The following HIVEP2 variants were observed in gnomAD, a reference collection of about 807,000 sequenced individuals.
HIVEP2 encodes transcription factor HIVEP2.
In HIVEP2, 14 loss-of-function variants were observed where a neutral mutation model predicts 180.7. The ratio of observed to expected loss-of-function variants is 0.08; its 90% CI spans 0.05 to 0.12. HIVEP2 has a LOEUF of 0.12. Among genes scored for constraint, HIVEP2 ranks in the 10% least tolerant of loss-of-function variants. The probability of loss-of-function intolerance (pLI) is 1.00; values close to 1 mark genes in which losing one functional copy is unlikely to be tolerated. For synonymous variants in HIVEP2, 1,184 were observed against 1,136.4 expected (o/e 1.04, Z -0.84); for missense variants, 2,579 against 3,008.5 (o/e 0.86, Z 3.34).
intron 1 of HIVEP2, among the ~76,000 whole-genome samples, chr6:142,904,651 G>C (rs1182713411): frequency 6.6e-6 from 1 of 151,918 alleles, no homozygotes; most frequent in Non-Finnish European, 1.5e-5. Flanking sequence ...TGAAACTGAT[G>C]ACATGATCAA....
chr6:142,857,900 G>A (rs749329082), intron 1 of HIVEP2, among the ~76,000 whole-genome samples: 13 of 152,188 alleles, frequency 8.5e-5, no homozygotes, highest in African/African-American at 2.4e-4. Context: ...GGCTGGGGTC[G>A]GGTCTTGGGT....
intron 4 of HIVEP2, 28 bp downstream of exon 4, chr6:142,776,119 T>C (rs1775690981): frequency 6.6e-6 from 1 of 152,570 alleles, no homozygotes. Context: ...AGCATATTTC[T>C]AGGACAGTTT....
chr6:142,858,114 G>C (rs1213530016), intron 1 of HIVEP2, among the ~76,000 whole-genome samples: 1 of 152,120 alleles, frequency 6.6e-6, no homozygotes, highest in Non-Finnish European at 1.5e-5. Flanking sequence ...GAAGGCTGGG[G>C]GACTAACAGT....
chr6:142,900,785 C>T (rs1777116252), intron 1 of HIVEP2, among the ~76,000 whole-genome samples: 1 of 152,100 alleles, frequency 6.6e-6, no homozygotes, highest in South Asian at 2.1e-4. Context: ...TGCACAAAGA[C>T]CTTATTATAA....
intron 1 of HIVEP2, among the ~76,000 whole-genome samples, chr6:142,897,136 A>T (rs753133272): frequency 6.6e-6 from 1 of 152,204 alleles, no homozygotes; most frequent in Non-Finnish European, 1.5e-5. Flanking sequence ...CAAAAAAAAT[A>T]GGAAAAGGGG....
rs563223348 is a variant in HIVEP2 at position 142,831,413 on chromosome 6, C to G, written c.-528+5522G>C. Among the ~76,000 whole-genome samples the G allele has an allele frequency of 4.6e-5, 7 of 152,290 alleles. No individual in the cohort carries two copies. The East Asian group carries it at 1.2e-3, about 25-fold the overall frequency. On this transcript the variant is annotated intron_variant, in intron 2 of 9. Transcript: ENST00000367603. ...CTTGCAGTGACTGCTGCCCCCCACCCCACCTCACCCGCCATCCAACAGGGC... is the reference window on the plus strand; with the variant it reads ...CTTGCAGTGACTGCTGCCCCCCACCGCACCTCACCCGCCATCCAACAGGGC...
intron 1 of HIVEP2, among the ~76,000 whole-genome samples, chr6:142,912,953 T>C (rs935671491): frequency 3.9e-5 from 6 of 152,150 alleles, no homozygotes; most frequent in Admixed American, 6.5e-5. Context: ...AAAAATCAAA[T>C]GATTTTAGAA....
rs1282794729 is a variant in HIVEP2, at chr6:142,862,516, T to TAC, written c.-640-25471_-640-25470dup. On this transcript the variant is annotated intron_variant, in intron 1 of 9. Coordinates refer to ENST00000367603, the MANE Select transcript of HIVEP2 (RefSeq NM_006734.4). ...ATTATATGTATCATATATTTTATAATACATATAATCGATTATGTGTATCAT... is the reference window on the plus strand; with the variant it reads ...ATTATATGTATCATATATTTTATAATACACATATAATCGATTATGTGTATCAT... 1.3e-3 allele frequency among the ~76,000 whole-genome samples: 153 copies of TAC among 120,634 alleles called. 1 individual carries two copies. The highest frequency in any genetic ancestry group is 1.5e-3 in the Non-Finnish European group (92 of 61,274). The allele number at this position is 120,634 out of a possible 152,430, so 79.1% of individuals were successfully genotyped here.
intron 2 of HIVEP2, among the ~76,000 whole-genome samples, chr6:142,831,603 T>C (rs925202022): frequency 3.9e-5 from 6 of 152,160 alleles, no homozygotes; most frequent in Non-Finnish European, 5.9e-5. Flanking sequence ...ATGTAATTTA[T>C]CTCATTAAAT....
chr6:142,862,701 G>T (rs1776024259), intron 1 of HIVEP2, among the ~76,000 whole-genome samples: 1 of 138,186 alleles, frequency 7.2e-6, no homozygotes. Context: ...AATTATATAT[G>T]TAACTATATA....
At position 142,768,424 on chromosome 6, in the gene HIVEP2, G is replaced by T; in HGVS notation, c.5300C>A (p.Ser1767Tyr). The change falls in exon 6 of 10, where the codon TCC becomes TAC. Residue 1767 changes from serine (S) to tyrosine (Y), a missense_variant. By Grantham distance (144) the Ser-to-Tyr change is moderately radical (BLOSUM62 -2). Coordinates refer to ENST00000367603, the MANE Select transcript of HIVEP2 (RefSeq NM_006734.4). ...GDIHGDKDIG[S>Y]KQTEPIRIKI... ...AATTCGGATTGGCTCAGTTTGTTTGGATCCAATATCTTTATCTCCATGAAT... is the reference window on the plus strand; with the variant it reads ...AATTCGGATTGGCTCAGTTTGTTTGTATCCAATATCTTTATCTCCATGAAT... 2 of 1,612,332 alleles carry T rather than the reference G, an allele frequency of 1.2e-6. No homozygotes were observed. Among genetic ancestry groups the T allele is most frequent in the Non-Finnish European group, 1.7e-6 (2 of 1,179,284 alleles).
At position 142,760,357 on chromosome 6, in the gene HIVEP2, A is replaced by G. The variant is rs768582619; in HGVS notation, c.5931T>C (p.Ser1977=). ...GTGTCATAAGCTGAGTAACTCGAAT[A>G]CTTGGCAAAGTAACCAAATAGCTGA... The part of the protein sequence containing the change: ...SLISYLVTLP[S]IRVTQLMTPS... The change falls in exon 9 of 10, where the codon AGT becomes AGC. Residue 1977 remains serine, a synonymous_variant. Coordinates refer to ENST00000367603, the MANE Select transcript of HIVEP2 (RefSeq NM_006734.4). The G allele has an allele frequency of 1.2e-6, 2 of 1,614,208 alleles. No homozygotes were observed.
chr6:142,768,451 T>A lies in HIVEP2; in HGVS notation c.5273A>T (p.Asp1758Val), dbSNP rs781455635. The change falls in exon 6 of 10, where the codon GAT (aspartate) becomes GTT (valine). Residue 1758 changes from aspartate (D) to valine (V), a missense_variant. Around this residue, in one of 11 missense-constraint regions of HIVEP2, gnomAD observed 349 missense variants for 367.2 expected, o/e 0.95. Coordinates refer to ENST00000367603, the MANE Select transcript of HIVEP2 (RefSeq NM_006734.4). ...GNILKERGKG[D>V]IHGDKDIGSK... is the part of the protein sequence containing the mutation. Reference sequence around the variant, plus strand: ...TCCAATATCTTTATCTCCATGAATATCTCCTTTCCCTCTTTCCTTTAAGAT... The same window carrying A: ...TCCAATATCTTTATCTCCATGAATAACTCCTTTCCCTCTTTCCTTTAAGAT... The A allele has an allele frequency of 6.2e-7, 1 of 1,613,304 alleles. No homozygotes were observed. Among genetic ancestry groups the A allele is most frequent in the South Asian group, 1.1e-5 (1 of 91,008 alleles).
intron 1 of HIVEP2, among the ~76,000 whole-genome samples, chr6:142,882,832 A>G (rs1212329117): frequency 6.6e-6 from 1 of 152,140 alleles, no homozygotes; most frequent in East Asian, 1.9e-4. Flanking sequence ...TCAATGTTTT[A>G]GGTTGGTTTT....
rs1462369994 is a variant in HIVEP2 at position 142,905,958 on chromosome 6, AC to A, written c.-641+39140del. ...AGACCAACCTGGCCAACGTGGCAAA[AC>A]CCCATCTCTACTAAAAACACAAAAA... On this transcript the variant is annotated intron_variant, in intron 1 of 9. Coordinates refer to ENST00000367603, the MANE Select transcript of HIVEP2 (RefSeq NM_006734.4). Among the ~76,000 whole-genome samples, 7 of 152,090 alleles carry A rather than the reference AC, an allele frequency of 4.6e-5. No individual in the cohort carries two copies. In the South Asian group the frequency reaches 1.5e-3, roughly 32 times the overall value.
Position 142,821,855 on chromosome 6 carries a change from C to T in HIVEP2, c.-528+15080G>A, listed in dbSNP as rs991660717. Among the ~76,000 whole-genome samples the T allele has an allele frequency of 2.6e-5, 4 of 152,164 alleles. No homozygotes were observed. In the East Asian group the frequency reaches 7.7e-4, roughly 29 times the overall value. The stretch of plus-strand genomic sequence containing the variant: ...TCACAGGACAGCATGCCTTGTGATG[C>T]CATGGGACATAGAGGCAGGCATGGC... On this transcript the variant is annotated intron_variant, in intron 2 of 9. Coordinates refer to ENST00000367603, the MANE Select transcript of HIVEP2 (RefSeq NM_006734.4).
In HIVEP2 at chr6:142,759,859, C is replaced by T. The variant is rs192032720; in HGVS notation, c.6429G>A (p.Ala2143=). The T allele has an allele frequency of 3.2e-4, 517 of 1,614,034 alleles. 1 individual carries two copies. Among genetic ancestry groups the T allele is most frequent in the East Asian group, 4.9e-4 (22 of 44,882 alleles). ...GGTATAAAGCCCTTCTGGGAGATGG[C>T]GCTCTTATTGTGGTCATGTATCTTC... The part of the protein sequence containing the change: ...RERRYMTTIR[A]PSPRRALYHN... Residue 2143 remains alanine (A), a synonymous_variant, in exon 9 of 10, where the codon GCG becomes GCA. Coordinates refer to ENST00000367603, the MANE Select transcript of HIVEP2 (RefSeq NM_006734.4).
rs191405773 is a variant in HIVEP2, at chr6:142,839,467, T to C, written c.-640-2420A>G. On this transcript the variant is annotated intron_variant, in intron 1 of 9. Coordinates refer to ENST00000367603, the MANE Select transcript of HIVEP2 (RefSeq NM_006734.4). ...ACATCTGACCTTTGTATTTCAGTTA[T>C]ATGTTACATGGTCTAAACAATGGAG... Among the ~76,000 whole-genome samples, 319 of 152,274 alleles carry C rather than the reference T, an allele frequency of 2.1e-3. 6 individuals are homozygous for C. Among genetic ancestry groups the C allele is most frequent in the African/African-American group, 7.2e-3 (301 of 41,560 alleles).
Position 142,943,670 on chromosome 6 carries a change from A to T in HIVEP2, c.-641+1429T>A, listed in dbSNP as rs1562300631. Among the ~76,000 whole-genome samples, 1 of 152,170 alleles carries T rather than the reference A, an allele frequency of 6.6e-6. No homozygotes were observed. Among genetic ancestry groups the T allele is most frequent in the Non-Finnish European group, 1.5e-5 (1 of 68,022 alleles). On this transcript the variant is annotated intron_variant, in intron 1 of 9. Coordinates refer to ENST00000367603, the MANE Select transcript of HIVEP2 (RefSeq NM_006734.4). The surrounding 1 kb of genome is among the most constrained non-coding windows in gnomAD (Gnocchi z 4.5). ...TGGAGGTAAATTGAGTTATTTTTAA[A>T]ATGGCAGAAAAGGAAGGAGAAAAAT...
Sources: gnomAD v4.1 joint callset for allele counts (sites outside exome capture counted in the v4.1 genomes callset) on GRCh38, gnomAD v4.1.1 for gene constraint, gnomAD v4.1.1 regional missense constraint, Gnocchi (gnomAD v3.1) non-coding constraint, MANE v1.5 for transcripts, NCBI Gene and HGNC (gene_info 2026-07-23, HGNC 2026-07-21) for gene names.